Variants in TPTE2 observed in about 807,000 individuals in gnomAD.
The protein encoded by TPTE2 is phosphatidylinositol 3,4,5-trisphosphate 3-phosphatase TPTE2.
TPTE2 carries 53 observed loss-of-function variants against 78.6 expected under a neutral mutation model. The ratio of observed to expected loss-of-function variants is 0.67; its 90% CI spans 0.54 to 0.85. TPTE2 has a LOEUF of 0.85. TPTE2 is among the 40% of genes least tolerant of loss of function. The pLI is 0.00. For missense variants in TPTE2, 461 were observed against 623.0 expected (o/e 0.74, Z 2.77); for synonymous variants, 175 against 206.2 (o/e 0.85, Z 1.30).
chr13:19,528,436 T>C (rs1289429504), intron 1 of TPTE2, among the ~76,000 whole-genome samples: 1 of 152,144 alleles, frequency 6.6e-6, no homozygotes, highest in African/African-American at 2.4e-5. Flanking sequence ...CAAAATTTGT[T>C]TTTTTGGAAC....
intron 1 of TPTE2, among the ~76,000 whole-genome samples, chr13:19,498,521 A>G (rs937002150): frequency 1.1e-3 from 168 of 152,162 alleles, no homozygotes; most frequent in African/African-American, 3.7e-3. Flanking sequence ...AGAATTTTCA[A>G]CCCAGAATTT....
chr13:19,445,002 G>A lies in TPTE2; in HGVS notation c.973+5074C>T, dbSNP rs1003451746. On this transcript the variant is annotated intron_variant, in intron 13 of 19. Coordinates refer to ENST00000400230, the Ensembl canonical transcript of TPTE2. ...AAGTTTAAAAGGAATGAACCTTCTC[G>A]AAGAAAATATAGTAGTAAAATGTCC... 2.2e-4 allele frequency among the ~76,000 whole-genome samples: 33 copies of A among 152,226 alleles called. 1 individual carries two copies. The highest frequency in any genetic ancestry group is 3.9e-4 in the Admixed American group (6 of 15,284).
At chr13:19,470,889 T>TTATA (rs1306603703) in intron 6 of TPTE2, among the ~76,000 whole-genome samples, 8 of 97,726 alleles carry the variant, frequency 8.2e-5, no homozygotes, top group Admixed American at 1.8e-4. Context: ...TCTTTTTATT[T>TTATA]TATTTATTTA....
chr13:19,549,274 A>C, the TPTE2 span, among the ~76,000 whole-genome samples: 1 of 152,218 alleles, frequency 6.6e-6, no homozygotes, highest in Admixed American at 6.5e-5. Context: ...CAAAGGTCTA[A>C]TATCCAGAAT....
In TPTE2 at chr13:19,456,018, T is replaced by A. The variant is rs1258276154; in HGVS notation, c.742-4793A>T. ...CTCCTCTTACCATTTCTATTCAATA[T>A]TACCGTGAAAGTCCTAGATAATTCA... On this transcript the variant is annotated intron_variant, in intron 10 of 19. Transcript: ENST00000400230. Among the ~76,000 whole-genome samples the A allele has an allele frequency of 6.6e-5, 10 of 152,234 alleles. No homozygotes were observed. The East Asian group carries it at 1.5e-3, about 23-fold the overall frequency.
chr13:19,547,921 T>G, the TPTE2 span, among the ~76,000 whole-genome samples: 4 of 151,634 alleles, frequency 2.6e-5, no homozygotes, highest in African/African-American at 9.7e-5. Context: ...TTATATCATT[T>G]GACTTTTTTG....
rs189692606 is a variant in TPTE2, at chr13:19,476,072, C to T, written c.180-449G>A. ...ATGAGCATAGGGAGAGTAAATGATG[C>T]TCTTGTCATCTCCTCAAACTAGACA... is the stretch of plus-strand genomic sequence containing the variant. On this transcript the variant is annotated intron_variant, in intron 4 of 19. Transcript: ENST00000400230. Among the ~76,000 whole-genome samples the T allele has an allele frequency of 3.9e-5, 6 of 152,272 alleles. No individual in the cohort carries two copies. The East Asian group carries it at 9.7e-4, about 25-fold the overall frequency.
At chr13:19,454,660 G>T (rs528061054) in intron 10 of TPTE2, among the ~76,000 whole-genome samples, 37 of 152,142 alleles carry the variant, frequency 2.4e-4, no homozygotes, top group Admixed American at 8.5e-4. Flanking sequence ...TGACTTATTA[G>T]TACTTTGTCA....
upstream of TPTE2, among the ~76,000 whole-genome samples, chr13:19,538,065 T>C (rs1180755837): frequency 7.2e-5 from 11 of 152,216 alleles, no homozygotes; most frequent in Non-Finnish European, 1.5e-5. Flanking sequence ...TTTCTCCAAG[T>C]TTGATGCTTA....
At chr13:19,551,353 GCCAAGGTGGACGGATT>G in the TPTE2 span, among the ~76,000 whole-genome samples, 1 of 152,222 alleles carries the variant, frequency 6.6e-6, no homozygotes, top group South Asian at 2.1e-4. Context: ...ACTTTGGGAG[GCCAAGGTGGACGGATT>G]ACCTGAGGTC....
chr13:19,427,138 C>T (rs1566034378), intron 17 of TPTE2, among the ~76,000 whole-genome samples: 1 of 115,338 alleles, frequency 8.7e-6, no homozygotes, highest in Non-Finnish European at 1.6e-5. Context: ...GGCTGGAGTA[C>T]AGTGGCATGA....
At chr13:19,462,416 T>C (rs997109717) in intron 10 of TPTE2, among the ~76,000 whole-genome samples, 1 of 152,132 alleles carries the variant, frequency 6.6e-6, no homozygotes, top group African/African-American at 2.4e-5. Flanking sequence ...ACTTTGTGAA[T>C]ATATCATCCC....
intron 1 of TPTE2, among the ~76,000 whole-genome samples, chr13:19,514,804 T>C (rs1869695740): frequency 6.6e-6 from 1 of 152,178 alleles, no homozygotes. Context: ...TTAAAGTGGA[T>C]TATGTGTTTA....
chr13:19,503,871 C>G (rs1395951445), upstream of TPTE2, among the ~76,000 whole-genome samples: 524 of 151,912 alleles, frequency 3.4e-3, 4 homozygotes, highest in South Asian at 0.02. Context: ...CTCCTGAGTA[C>G]CTGGGACTAC....
At chr13:19,475,217 CAT>C (rs1271835099) in intron 5 of TPTE2, among the ~76,000 whole-genome samples, 2 of 151,738 alleles carry the variant, frequency 1.3e-5, no homozygotes, top group Non-Finnish European at 2.9e-5. Context: ...ATATGAGACT[CAT>C]ATATTTTTTT....
chr13:19,506,200 C>T (rs1869015889), upstream of TPTE2, among the ~76,000 whole-genome samples: 2 of 21,718 alleles, frequency 9.2e-5, no homozygotes, highest in African/African-American at 1.1e-4. Flanking sequence ...GAGACGGAGT[C>T]TCGCTCTGTC....
chr13:19,490,769 G>C (rs549212828), intron 3 of TPTE2, among the ~76,000 whole-genome samples: 1 of 152,194 alleles, frequency 6.6e-6, no homozygotes, highest in Admixed American at 6.5e-5. Flanking sequence ...GGTAACAGAC[G>C]AAGAGACCAG....
rs1878101085 is a variant in TPTE2 at position 19,450,360 on chromosome 13, T to C, written c.803-16A>G. 3 of 1,597,980 alleles carry C rather than the reference T, an allele frequency of 1.9e-6. No homozygotes were observed. The highest frequency in any genetic ancestry group is 2.6e-6 in the Non-Finnish European group (3 of 1,168,022). On this transcript the variant is annotated splice_polypyrimidine_tract_variant and intron_variant, in intron 11 of 19. Transcript: ENST00000400230. ...GCTCTTTCACCTAAAATAAATAATA[T>C]GTATGTCATATCTCTATAGGGAATA...
At chr13:19,533,825 A>T (rs1033518930) in intron 1 of TPTE2, among the ~76,000 whole-genome samples, 2 of 152,232 alleles carry the variant, frequency 1.3e-5, no homozygotes, top group African/African-American at 4.8e-5. Flanking sequence ...GTTGACAATT[A>T]AGGAGCTGGC....
Sources: gnomAD v4.1 joint callset for allele counts (sites outside exome capture counted in the v4.1 genomes callset) on GRCh38, gnomAD v4.1.1 for gene constraint, MANE v1.5 for transcripts, NCBI Gene and HGNC (gene_info 2026-07-23, HGNC 2026-07-21) for gene names.